The following OR2A42 variants were observed in gnomAD, a reference collection of about 807,000 sequenced individuals.
OR2A42 encodes the protein olfactory receptor 2A1/2A42.
For synonymous variants in OR2A42, 5 were observed against 46.4 expected (o/e 0.11, Z 3.63); for missense variants, 3 against 104.1 (o/e 0.03, Z 4.23).
chr7:144,230,656 G>C lies in OR2A42; in HGVS notation c.*1255C>G, dbSNP rs2052364066. The stretch of plus-strand genomic sequence containing the variant: ...TAAACTTACTCTCTAATCTCATTGA[G>C]AACAGCCTCTACTCCCACCCTGTCT... On this transcript the variant is annotated 3_prime_UTR_variant, in exon 3 of 3. Transcript: ENST00000641810. The C allele has an allele frequency of 7.0e-6, 1 of 143,466 alleles. No homozygotes were observed. Among genetic ancestry groups the C allele is most frequent in the Non-Finnish European group, 1.5e-5 (1 of 64,554 alleles). 8.9% of individuals were successfully genotyped at this position (143,466 alleles called of 1,614,324 possible).
At chr7:144,237,545 T>TA (rs2052445479) in intron 2 of OR2A42, among the ~76,000 whole-genome samples, 1 of 147,134 alleles carries the variant, frequency 6.8e-6, no homozygotes, top group South Asian at 2.2e-4. Context: ...CCAAAGACGG[T>TA]AAAAAAACAA....
chr7:144,233,414 T>A (rs2052395086), intron 2 of OR2A42, among the ~76,000 whole-genome samples: 1 of 90,462 alleles, frequency 1.1e-5, no homozygotes, highest in East Asian at 2.3e-4. Context: ...CTAATTGCAA[T>A]CTTTATTTTA....
At chr7:144,237,571 CAAAA>C (rs201765296) in intron 2 of OR2A42, among the ~76,000 whole-genome samples, 1 of 147,236 alleles carries the variant, frequency 6.8e-6, no homozygotes, top group Non-Finnish European at 1.5e-5. Flanking sequence ...CAAACAACAA[CAAAA>C]AAAAAACCAA....
chr7:144,235,435 C>G (rs1332564910), intron 2 of OR2A42, among the ~76,000 whole-genome samples: 1 of 151,556 alleles, frequency 6.6e-6, no homozygotes. Flanking sequence ...TCTTTAAGGA[C>G]AGTTGCCACA....
chr7:144,239,341 A>G (rs1324853507), intron 1 of OR2A42: 1 of 61,420 alleles, frequency 1.6e-5, no homozygotes, highest in African/African-American at 7.3e-5. Flanking sequence ...TGGTTTCCCT[A>G]GAAGCTACTA....
chr7:144,234,839 TA>T (rs200884350), intron 2 of OR2A42, among the ~76,000 whole-genome samples: 1,293 of 113,682 alleles, frequency 0.011, 231 homozygotes, highest in African/African-American at 0.053. Context: ...AGGATTCTAT[TA>T]AAAAAATACT....
chr7:144,236,871 T>TG (rs1563081717), intron 2 of OR2A42, among the ~76,000 whole-genome samples: 1 of 20,904 alleles, frequency 4.8e-5, no homozygotes. Context: ...GCTACCTTTT[T>TG]TTAAAAACTT....
At chr7:144,233,116 A>C (rs1380287298) in intron 2 of OR2A42, among the ~76,000 whole-genome samples, 1 of 150,124 alleles carries the variant, frequency 6.7e-6, no homozygotes, top group Non-Finnish European at 1.5e-5. Flanking sequence ...ATTGTCTTGA[A>C]GCTGCACATA....
At chr7:144,234,987 A>C (rs1446989181) in intron 2 of OR2A42, among the ~76,000 whole-genome samples, 1 of 146,078 alleles carries the variant, frequency 6.8e-6, no homozygotes, top group African/African-American at 2.6e-5. Flanking sequence ...TTTCCCTGTG[A>C]AACCTGCCCT....
chr7:144,237,617 T>C (rs1375195089), intron 2 of OR2A42, among the ~76,000 whole-genome samples: 1 of 150,802 alleles, frequency 6.6e-6, no homozygotes, highest in Non-Finnish European at 1.5e-5. Context: ...TTCATTCATT[T>C]GATTTATTGA....
rs1280786090 is a variant in OR2A42, at chr7:144,229,766, A to T, written c.*2145T>A. On this transcript the variant is annotated 3_prime_UTR_variant, in exon 3 of 3. Coordinates refer to ENST00000641810, the MANE Select transcript of OR2A42 (RefSeq NM_001001802.3). ...TATCCAGTTTGGGTAATTTTAAAAA[A>T]TTTAATAAATTATTTCATTGTTATT... 21 of 150,548 alleles carry T rather than the reference A, an allele frequency of 1.4e-4. No individual in the cohort carries two copies. The highest frequency in any genetic ancestry group is 4.6e-4 in the African/African-American group (19 of 41,228). The allele number at this position is 150,548 out of a possible 1,614,324, so 9.3% of individuals were successfully genotyped here.
chr7:144,237,817 CA>C (rs1397954833), intron 2 of OR2A42, among the ~76,000 whole-genome samples: 3 of 149,456 alleles, frequency 2.0e-5, no homozygotes, highest in South Asian at 2.1e-4. Flanking sequence ...CTGAAAGAAA[CA>C]AAAAAAGTAG....
Position 144,228,366 on chromosome 7 carries a change from T to G in OR2A42, c.*3545A>C. ...TATTTACAGTCAGACTGCCTGGTCT[T>G]GATTCATGTTTCTACCACTGAATGA... On this transcript the variant is annotated 3_prime_UTR_variant, in exon 3 of 3. Transcript: ENST00000641810. 8.0e-6 allele frequency: 1 copy of G among 124,700 alleles called. No individual in the cohort carries two copies. The allele number at this position is 124,700 out of a possible 1,614,324, so 7.7% of individuals were successfully genotyped here.
chr7:144,237,696 A>T lies in OR2A42; in HGVS notation c.-5+736T>A, dbSNP rs1421046037. Reference sequence around the variant, plus strand: ...TGTGCCTGGAATATGGTAGGTGTTCAATAATTATTTATTGACTAACTAGAT... The same window carrying T: ...TGTGCCTGGAATATGGTAGGTGTTCTATAATTATTTATTGACTAACTAGAT... On this transcript the variant is annotated intron_variant, in intron 2 of 2. Coordinates refer to ENST00000641810, the MANE Select transcript of OR2A42 (RefSeq NM_001001802.3). Among the ~76,000 whole-genome samples the T allele has an allele frequency of 2.0e-5, 3 of 150,310 alleles. 1 individual carries two copies. The highest frequency in any genetic ancestry group is 4.5e-5 in the Non-Finnish European group (3 of 67,290).
intron 2 of OR2A42, among the ~76,000 whole-genome samples, chr7:144,234,812 G>A (rs1354514782): frequency 1.9e-5 from 2 of 107,348 alleles, no homozygotes; most frequent in South Asian, 5.9e-4. Flanking sequence ...ATGGCCAAGG[G>A]TTATATTTTT....
chr7:144,228,444 C>A lies in OR2A42; in HGVS notation c.*3467G>T, dbSNP rs1310562969. 8.9e-6 allele frequency: 1 copy of A among 112,002 alleles called. No homozygotes were observed. Among genetic ancestry groups the A allele is most frequent in the Non-Finnish European group, 1.9e-5 (1 of 52,408 alleles). 6.9% of individuals were successfully genotyped at this position (112,002 alleles called of 1,614,324 possible). On this transcript the variant is annotated 3_prime_UTR_variant, in exon 3 of 3. Transcript: ENST00000641810. Reference sequence around the variant, plus strand: ...TTACACTAAACTTTATTTCCCCCCCCCCTTTAATGTTAGGATAGTATTAGT... The same window carrying A: ...TTACACTAAACTTTATTTCCCCCCCACCTTTAATGTTAGGATAGTATTAGT...
chr7:144,236,180 A>AG, intron 2 of OR2A42, among the ~76,000 whole-genome samples: 1 of 147,988 alleles, frequency 6.8e-6, no homozygotes, highest in East Asian at 1.9e-4. Flanking sequence ...ACATGACGAA[A>AG]CCTGTCTACT....
intron 2 of OR2A42, among the ~76,000 whole-genome samples, chr7:144,237,934 G>C (rs1382348109): frequency 6.9e-6 from 1 of 143,930 alleles, no homozygotes; most frequent in Non-Finnish European, 1.5e-5. Flanking sequence ...TTTTAAAAAG[G>C]AGAAAAGTGA....
chr7:144,234,811 G>A (rs1410340235), intron 2 of OR2A42, among the ~76,000 whole-genome samples: 1 of 107,462 alleles, frequency 9.3e-6, no homozygotes, highest in East Asian at 2.2e-4. Context: ...CATGGCCAAG[G>A]GTTATATTTT....
Sources: allele counts gnomAD v4.1 joint callset (sites outside exome capture counted in the v4.1 genomes callset), GRCh38; gene constraint gnomAD v4.1.1; transcripts MANE v1.5; gene names NCBI Gene and HGNC (gene_info 2026-07-23, HGNC 2026-07-21).